The following RAG1 variants were observed in gnomAD, a reference collection of about 807,000 sequenced individuals.
RAG1 encodes V(D)J recombination-activating protein 1.
RAG1 carries 35 observed loss-of-function variants against 62.7 expected under a neutral mutation model. The ratio of observed to expected loss-of-function variants is 0.56; its 90% CI spans 0.43 to 0.74. RAG1 has a LOEUF of 0.74. Among genes scored for constraint, RAG1 ranks in the 30% least tolerant of loss-of-function variants. The pLI, the probability that RAG1 is intolerant of heterozygous loss-of-function variation, is 0.00. For missense variants in RAG1, 1,169 were observed against 1,278.6 expected (o/e 0.91, Z 1.31); for synonymous variants, 461 against 470.3 (o/e 0.98, Z 0.26).
intron 3 of RAG1, among the ~76,000 whole-genome samples, chr11:36,549,320 A>G (rs913318871): frequency 6.6e-6 from 1 of 152,368 alleles, no homozygotes; most frequent in Middle Eastern, 3.4e-3. Flanking sequence ...AGAAACTATC[A>G]TCAGAGTGAA....
chr11:36,532,412 T>C (rs902436409), intron 2 of RAG1, among the ~76,000 whole-genome samples: 1 of 152,190 alleles, frequency 6.6e-6, no homozygotes, highest in African/African-American at 2.4e-5. Context: ...GTATATGATA[T>C]ACTCTTTCCA....
At position 36,576,143 on chromosome 11, in the gene RAG1, C is replaced by T; in HGVS notation, c.2839C>T (p.Pro947Ser). The T allele has an allele frequency of 6.2e-7, 1 of 1,614,014 alleles. No homozygotes were observed. Among genetic ancestry groups the T allele is most frequent in the Non-Finnish European group, 8.5e-7 (1 of 1,180,028 alleles). Residue 947 changes from proline (P) to serine (S), a missense_variant, in exon 2 of 2, where the codon CCT becomes TCT. This residue lies in a region of RAG1 where 800 missense variants were observed against 943.3 expected (regional missense o/e 0.85). Coordinates refer to ENST00000299440, the MANE Select transcript of RAG1 (RefSeq NM_000448.3). The part of the protein sequence containing the change: ...NYFHKTLAHV[P>S]EIIERDGSIG... ...TTTTCACAAAACCCTGGCCCATGTT[C>T]CTGAAATTATTGAGAGGGATGGCTC...
intron 2 of RAG1, among the ~76,000 whole-genome samples, chr11:36,524,195 T>A (rs575014729): frequency 6.6e-6 from 1 of 152,108 alleles, no homozygotes; most frequent in South Asian, 2.1e-4. Flanking sequence ...GCATTTTAAC[T>A]TTGGAGGAGG....
At chr11:36,528,644 A>T (rs1477088641) in intron 2 of RAG1, among the ~76,000 whole-genome samples, 1 of 152,184 alleles carries the variant, frequency 6.6e-6, no homozygotes, top group East Asian at 1.9e-4. Flanking sequence ...AATAACTAAG[A>T]TCAGAGCAGA....
chr11:36,573,131 A>G (rs1172343130), intron 1 of RAG1, among the ~76,000 whole-genome samples, 160 bp from the exon 2 acceptor site: 2 of 152,244 alleles, frequency 1.3e-5, no homozygotes, highest in African/African-American at 4.8e-5. Context: ...AAATAACTCT[A>G]TGATCAGCAC....
intron 3 of RAG1, among the ~76,000 whole-genome samples, chr11:36,543,093 T>G (rs907271607): frequency 6.6e-6 from 1 of 152,166 alleles, no homozygotes; most frequent in South Asian, 2.1e-4. Flanking sequence ...CCTTGGTGAC[T>G]CCTACATTTC....
chr11:36,533,192 A>T (rs1200793355), intron 2 of RAG1, among the ~76,000 whole-genome samples: 1 of 152,082 alleles, frequency 6.6e-6, no homozygotes, highest in Non-Finnish European at 1.5e-5. Flanking sequence ...ATGTGATGTG[A>T]CCCCATGGTA....
At chr11:36,549,567 A>T (rs1850451413) in intron 3 of RAG1, among the ~76,000 whole-genome samples, 1 of 152,258 alleles carries the variant, frequency 6.6e-6, no homozygotes, top group Non-Finnish European at 1.5e-5. Flanking sequence ...ACAATAAGAT[A>T]CCATCTCACA....
At position 36,575,727 on chromosome 11, in the gene RAG1, A is replaced by C; in HGVS notation, c.2423A>C (p.Tyr808Ser). Reference protein sequence around the residue: ...HCDIGNAAEFYKIFQLEIGEV... With the variant: ...HCDIGNAAEFSKIFQLEIGEV... Reference sequence around the variant, plus strand: ...GACATTGGCAATGCAGCTGAGTTCTACAAGATCTTCCAGCTAGAGATAGGG... The same window carrying C: ...GACATTGGCAATGCAGCTGAGTTCTCCAAGATCTTCCAGCTAGAGATAGGG... Residue 808 changes from tyrosine to serine, a missense_variant, in exon 2 of 2, where the codon TAC becomes TCC. Coordinates refer to ENST00000299440, the MANE Select transcript of RAG1 (RefSeq NM_000448.3). The surrounding 1 kb of genome is among the most constrained non-coding windows in gnomAD (Gnocchi z 4.1). 3 of 1,614,226 alleles carry C rather than the reference A, an allele frequency of 1.9e-6. No individual in the cohort carries two copies. The highest frequency in any genetic ancestry group is 1.7e-6 in the Non-Finnish European group (2 of 1,180,038).
rs772380086 is a variant in RAG1, at chr11:36,575,941, C to T, written c.2637C>T (p.His879=). The change falls in exon 2 of 2, where the codon CAC becomes CAT. Residue 879 remains histidine (H), a synonymous_variant. Transcript: ENST00000299440. The surrounding 1 kb of genome is among the most constrained non-coding windows in gnomAD (Gnocchi z 4.1). ...VCELIPSEER[H]EALRELMDLY... ...AGTTAATTCCTTCCGAGGAGAGGCA[C>T]GAGGCTCTGAGGGAGCTGATGGATC... The T allele has an allele frequency of 1.4e-5, 22 of 1,613,998 alleles. No homozygotes were observed. Among genetic ancestry groups the T allele is most frequent in the South Asian group, 3.3e-5 (3 of 91,080 alleles).
chr11:36,548,244 T>A (rs1301881104), intron 3 of RAG1, among the ~76,000 whole-genome samples: 2 of 152,182 alleles, frequency 1.3e-5, no homozygotes, highest in African/African-American at 4.8e-5. Context: ...TCACCACTCC[T>A]ATTCAACATA....
At chr11:36,562,204 G>A (rs565429692) in intron 3 of RAG1, among the ~76,000 whole-genome samples, 3 of 152,280 alleles carry the variant, frequency 2.0e-5, no homozygotes, top group South Asian at 2.1e-4. Flanking sequence ...TTTAGAGGAA[G>A]AGATAAATGA....
intron 1 of RAG1, among the ~76,000 whole-genome samples, chr11:36,519,483 C>G (rs555470821): frequency 6.6e-6 from 1 of 152,316 alleles, no homozygotes; most frequent in African/African-American, 2.4e-5. Context: ...AGTTTCCTAT[C>G]TATACAACTG....
At chr11:36,560,867 C>T (rs1325516871) in intron 3 of RAG1, among the ~76,000 whole-genome samples, 1 of 152,188 alleles carries the variant, frequency 6.6e-6, no homozygotes, top group East Asian at 1.9e-4. Context: ...CATCTTGAAT[C>T]TCCATGATTC....
In RAG1 at chr11:36,577,428, G is replaced by A. The variant is rs912542971; in HGVS notation, c.*992G>A. On this transcript the variant is annotated 3_prime_UTR_variant, in exon 2 of 2. Coordinates refer to ENST00000299440, the MANE Select transcript of RAG1 (RefSeq NM_000448.3). Reference sequence around the variant, plus strand: ...ACCTGAATCAATTTTTCTAAATCTAGGTTTCATAGAGTCCTCTCCTCTGCA... The same window carrying A: ...ACCTGAATCAATTTTTCTAAATCTAAGTTTCATAGAGTCCTCTCCTCTGCA... The A allele has an allele frequency of 1.2e-5, 2 of 166,900 alleles. No individual in the cohort carries two copies. The highest frequency in any genetic ancestry group is 4.8e-5 in the African/African-American group (2 of 41,414). 10.3% of individuals were successfully genotyped at this position (166,900 alleles called of 1,614,324 possible). A position where few individuals can be genotyped will look rare whatever the true frequency, so the allele number is the denominator to read the frequency against.
chr11:36,516,285 T>C (rs1489751049), intron 1 of RAG1, among the ~76,000 whole-genome samples: 1 of 152,232 alleles, frequency 6.6e-6, no homozygotes, highest in Non-Finnish European at 1.5e-5. Flanking sequence ...CCCAGACACA[T>C]GGTGTGGTAA....
At position 36,514,775 on chromosome 11, in the gene RAG1, T is replaced by A. The variant is rs551967182; in HGVS notation, n.330+3737T>A. 2.0e-4 allele frequency among the ~76,000 whole-genome samples: 31 copies of A among 152,252 alleles called. 1 individual carries two copies. The South Asian group carries it at 6.2e-3, about 31-fold the overall frequency. ...GTGGCAGAAGGTGGAGCTCAGGCAG[T>A]AATGTGAGGATGGGGAGTGGCTGTA... On this transcript the variant is annotated intron_variant and non_coding_transcript_variant, in intron 1 of 2. Coordinates refer to the RAG1 transcript ENST00000529126.
At chr11:36,520,534 C>T (rs1039921713) in intron 2 of RAG1, among the ~76,000 whole-genome samples, 5 of 152,206 alleles carry the variant, frequency 3.3e-5, no homozygotes, top group Admixed American at 1.3e-4. Context: ...GCCTCGACCT[C>T]CCGAAGTGCT....
intron 3 of RAG1, among the ~76,000 whole-genome samples, chr11:36,547,107 A>G (rs12805856): frequency 6.6e-6 from 1 of 151,660 alleles, no homozygotes; most frequent in East Asian, 1.9e-4. Flanking sequence ...TTGGCCTGTC[A>G]TGCTAGGTTG....
Sources: allele counts gnomAD v4.1 joint callset (sites outside exome capture counted in the v4.1 genomes callset), GRCh38; gene constraint gnomAD v4.1.1; regional missense constraint gnomAD v4.1.1; non-coding constraint Gnocchi (gnomAD v3.1); transcripts MANE v1.5; gene names NCBI Gene and HGNC (gene_info 2026-07-23, HGNC 2026-07-21).